The following APBA1 variants were observed in gnomAD, a reference collection of about 807,000 sequenced individuals.
APBA1 encodes amyloid beta precursor protein binding family A member 1.
A neutral mutation model predicts 86.6 loss-of-function variants in APBA1; 55 were observed. The observed-to-expected ratio is 0.64, with a 90% confidence interval of 0.51 to 0.80. The LOEUF is 0.80. Ranked by LOEUF, APBA1 falls within the 30% of genes least tolerant of loss-of-function variation. The pLI, the probability that APBA1 is intolerant of heterozygous loss-of-function variation, is 0.00. For synonymous variants in APBA1, 511 were observed against 493.9 expected (o/e 1.03, Z -0.46); for missense variants, 1,090 against 1,183.0 (o/e 0.92, Z 1.15).
At chr9:69,527,682 G>A (rs1055196701) in intron 1 of APBA1, among the ~76,000 whole-genome samples, 1 of 152,076 alleles carries the variant, frequency 6.6e-6, no homozygotes, top group African/African-American at 2.4e-5. Context: ...CTAAATTGGT[G>A]TAATCCCTTT....
chr9:69,597,057 G>T (rs1472062877), intron 1 of APBA1, among the ~76,000 whole-genome samples: 1 of 152,058 alleles, frequency 6.6e-6, no homozygotes, highest in Non-Finnish European at 1.5e-5. Flanking sequence ...GAGGCTGAAG[G>T]GACTAATACA....
rs77395776 is a variant in APBA1 at position 69,639,047 on chromosome 9, A to G, written c.-70+33106T>C. On this transcript the variant is annotated intron_variant, in intron 1 of 12. Coordinates refer to ENST00000265381, the MANE Select transcript of APBA1 (RefSeq NM_001163.4). ...AGAATTTATATAGGTTTTGATTTTT[A>G]TGATAACCTAATCCTCAGCTCCCAT... Among the ~76,000 whole-genome samples the G allele has an allele frequency of 8.0e-3, 1,216 of 152,308 alleles. 18 individuals carry two copies. The highest frequency in any genetic ancestry group is 0.028 in the African/African-American group (1,155 of 41,570).
At chr9:69,662,926 G>A (rs1313905799) in intron 1 of APBA1, among the ~76,000 whole-genome samples, 2 of 152,102 alleles carry the variant, frequency 1.3e-5, no homozygotes, top group Non-Finnish European at 2.9e-5. Context: ...GAAACAAAAT[G>A]TCTACTCAAA....
At chr9:69,609,965 T>C (rs915676840) in intron 1 of APBA1, among the ~76,000 whole-genome samples, 7 of 152,156 alleles carry the variant, frequency 4.6e-5, no homozygotes, top group African/African-American at 7.2e-5. Flanking sequence ...CATTGGACCT[T>C]TGGTGAGTCC....
At chr9:69,589,325 T>C (rs1822082598) in intron 1 of APBA1, among the ~76,000 whole-genome samples, 2 of 152,202 alleles carry the variant, frequency 1.3e-5, no homozygotes, top group Non-Finnish European at 2.9e-5. Context: ...CAATCACTGT[T>C]GCTTGATTCC....
rs907974853 is a variant in APBA1 at position 69,430,961 on chromosome 9, C to T, written c.*366G>A. The T allele has an allele frequency of 1.0e-4, 20 of 193,152 alleles. No individual in the cohort carries two copies. The highest frequency in any genetic ancestry group is 1.8e-4 in the Non-Finnish European group (17 of 94,876). The allele number at this position is 193,152 out of a possible 1,614,324, so 12.0% of individuals were successfully genotyped here. ...ACTGCTGAATCAGCTGCTTTGCTGC[C>T]CCGCGAGCTCCTTTTAAGAAGTCTG... On this transcript the variant is annotated 3_prime_UTR_variant, in exon 13 of 13. Coordinates refer to ENST00000265381, the MANE Select transcript of APBA1 (RefSeq NM_001163.4).
At chr9:69,529,706 CT>C (rs1461371749) in intron 1 of APBA1, among the ~76,000 whole-genome samples, 1 of 151,990 alleles carries the variant, frequency 6.6e-6, no homozygotes, top group Non-Finnish European at 1.5e-5. Flanking sequence ...AGAGAAAATT[CT>C]TTTTAATTTG....
chr9:69,510,993 A>G (rs1196396831), intron 2 of APBA1, among the ~76,000 whole-genome samples: 3 of 150,652 alleles, frequency 2.0e-5, no homozygotes, highest in Admixed American at 2.0e-4. Flanking sequence ...AGGCATTACC[A>G]TTCAGGACAT....
At chr9:69,439,771 C>T (rs1195724084) in intron 11 of APBA1, among the ~76,000 whole-genome samples, 2 of 152,174 alleles carry the variant, frequency 1.3e-5, no homozygotes, top group Non-Finnish European at 1.5e-5. Flanking sequence ...CTGAAGCCTT[C>T]TTCTCTCAAC....
At chr9:69,552,907 C>CTTTTTT (rs34026305) in intron 1 of APBA1, among the ~76,000 whole-genome samples, 2 of 135,542 alleles carry the variant, frequency 1.5e-5, no homozygotes, top group Non-Finnish European at 3.1e-5. Flanking sequence ...CTTTCTTGGG[C>CTTTTTT]TTTTTTTTTT....
At chr9:69,624,443 C>T (rs1822887728) in intron 1 of APBA1, among the ~76,000 whole-genome samples, 1 of 152,124 alleles carries the variant, frequency 6.6e-6, no homozygotes, top group Admixed American at 6.5e-5. Context: ...AAAGTGCCCA[C>T]AAAACAGCAT....
intron 1 of APBA1, among the ~76,000 whole-genome samples, chr9:69,656,561 A>C (rs911140583): frequency 6.6e-6 from 1 of 152,208 alleles, no homozygotes; most frequent in Non-Finnish European, 1.5e-5. Flanking sequence ...CCTTTCTGAA[A>C]GTGGTTGATA....
In APBA1 at chr9:69,517,065, C is replaced by T; in HGVS notation, c.146G>A (p.Gly49Asp). ...GAGGGCTCGCCCGCGCTGGTGGCGG[C>T]CCACATAGTGCTGCTGCTGCGGCGG... The part of the protein sequence containing the change: ...QQPPQQQHYV[G>D]RHQRGRALED... The change falls in exon 2 of 13, where the codon GGC becomes GAC. Residue 49 changes from glycine (G) to aspartate (D), a missense_variant. Coordinates refer to ENST00000265381, the MANE Select transcript of APBA1 (RefSeq NM_001163.4). 1.3e-6 allele frequency: 2 copies of T among 1,584,684 alleles called. No homozygotes were observed. Among genetic ancestry groups the T allele is most frequent in the Non-Finnish European group, 1.7e-6 (2 of 1,171,292 alleles).
At chr9:69,501,800 C>A (rs1056030324) in intron 2 of APBA1, among the ~76,000 whole-genome samples, 2 of 152,032 alleles carry the variant, frequency 1.3e-5, no homozygotes, top group Non-Finnish European at 2.9e-5. Context: ...TGCACTCTAG[C>A]CTCGGTCACA....
At chr9:69,441,259 T>A in intron 10 of APBA1, 144 bp from the exon 11 acceptor site, 1 of 1,005,614 alleles carries the variant, frequency 9.9e-7, no homozygotes. Context: ...CTCTGGTGCC[T>A]GGGCTGGTAC....
rs1275869122 is a variant in APBA1 at position 69,476,261 on chromosome 9, TG to T, written c.1201-119del. On this transcript the variant is annotated intron_variant, in intron 2 of 12. Coordinates refer to ENST00000265381, the MANE Select transcript of APBA1 (RefSeq NM_001163.4). ...GAACACAATCGAACAGACACTGCAG[TG>T]GGGAGAAAACCTCTTAAAAAGGAGC... The T allele has an allele frequency of 6.0e-6, 4 of 671,274 alleles. No homozygotes were observed. In the Admixed American group the frequency reaches 1.2e-4, roughly 20 times the overall value. The allele number at this position is 671,274 out of a possible 1,614,324, so 41.6% of individuals were successfully genotyped here.
At chr9:69,573,798 G>C (rs1032483184) in intron 1 of APBA1, among the ~76,000 whole-genome samples, 2 of 152,216 alleles carry the variant, frequency 1.3e-5, no homozygotes, top group African/African-American at 2.4e-5. Flanking sequence ...TGTGGAAAAG[G>C]AAGACTCAGC....
At chr9:69,485,254 C>T (rs1240852975) in intron 2 of APBA1, among the ~76,000 whole-genome samples, 1 of 152,038 alleles carries the variant, frequency 6.6e-6, no homozygotes, top group Admixed American at 6.5e-5. Flanking sequence ...ATCTCCACAC[C>T]ATTGCCTAAA....
Position 69,555,088 on chromosome 9 carries a change from G to T in APBA1, c.-69-37809C>A, listed in dbSNP as rs576029673. 2.0e-5 allele frequency among the ~76,000 whole-genome samples: 3 copies of T among 152,298 alleles called. No homozygotes were observed. The South Asian group carries it at 6.2e-4, about 32-fold the overall frequency. ...GTGAGGCATGGCAGACAAGAGCATT[G>T]CAACATCAGAAAGTCATTTTGCTTG... On this transcript the variant is annotated intron_variant, in intron 1 of 12. Transcript: ENST00000265381.
Sources: allele counts gnomAD v4.1 joint callset (sites outside exome capture counted in the v4.1 genomes callset), GRCh38; gene constraint gnomAD v4.1.1; transcripts MANE v1.5; gene names NCBI Gene and HGNC (gene_info 2026-07-23, HGNC 2026-07-21).